The following UGP2 variants were observed in gnomAD, a reference collection of about 807,000 sequenced individuals.
UGP2 encodes the protein UDP-glucose pyrophosphorylase 2, also known as UTP--glucose-1-phosphate uridylyltransferase.
In UGP2, 40 loss-of-function variants were observed where a neutral mutation model predicts 49.0. The observed-to-expected ratio is 0.82, with a 90% CI of 0.63 to 1.06. The LOEUF is 1.06. Ranked by LOEUF, UGP2 falls within the 50% of genes least tolerant of loss-of-function variation. UGP2 has a pLI of 0.00. For missense variants in UGP2, 460 were observed against 603.5 expected, an observed-to-expected ratio of 0.76 and a Z score of 2.49; for synonymous variants, 225 against 213.0, an observed-to-expected ratio of 1.06 and a Z score of -0.49.
intron 3 of UGP2, among the ~76,000 whole-genome samples, chr2:63,866,310 G>C (rs1670183002): frequency 6.6e-6 from 1 of 152,192 alleles, no homozygotes; most frequent in Non-Finnish European, 1.5e-5. Context: ...AGACTTATTT[G>C]TAAAAAGTTA....
At chr2:63,870,988 A>G (rs958401588) in intron 3 of UGP2, among the ~76,000 whole-genome samples, 1 of 152,260 alleles carries the variant, frequency 6.6e-6, no homozygotes, top group African/African-American at 2.4e-5. Flanking sequence ...GATGGGGCAT[A>G]CATGTGTGAC....
intron 3 of UGP2, among the ~76,000 whole-genome samples, chr2:63,877,680 T>C (rs1292460280): frequency 6.6e-6 from 1 of 152,178 alleles, no homozygotes; most frequent in African/African-American, 2.4e-5. Flanking sequence ...GTGGAAGATC[T>C]TCACAGCTTG....
chr2:63,876,767 G>A (rs957320258), intron 3 of UGP2, among the ~76,000 whole-genome samples: 2 of 152,198 alleles, frequency 1.3e-5, no homozygotes, highest in Non-Finnish European at 2.9e-5. Context: ...TGTATTGTGA[G>A]TTGCCAGGGC....
chr2:63,861,699 A>AC (rs1164984493), intron 3 of UGP2, among the ~76,000 whole-genome samples: 9 of 151,662 alleles, frequency 5.9e-5, no homozygotes, highest in African/African-American at 1.5e-4. Flanking sequence ...AAAAAAAAAA[A>AC]AAAACAAAAA....
chr2:63,879,841 C>T (rs573250965), intron 3 of UGP2, among the ~76,000 whole-genome samples: 451 of 152,214 alleles, frequency 3.0e-3, no homozygotes, highest in Non-Finnish European at 4.9e-3. Context: ...GCTGTGTACT[C>T]TTTTTTTAAA....
At chr2:63,885,943 G>A in intron 6 of UGP2, 57 bp downstream of exon 6, 2 of 1,484,402 alleles carry the variant, frequency 1.3e-6, no homozygotes. Flanking sequence ...CGTAAGTTAT[G>A]AAGTTAAAGA....
At chr2:63,876,700 A>T (rs1196833938) in intron 3 of UGP2, among the ~76,000 whole-genome samples, 3 of 152,240 alleles carry the variant, frequency 2.0e-5, no homozygotes, top group Non-Finnish European at 4.4e-5. Flanking sequence ...ATGCAAGGTT[A>T]TAAATACAAC....
chr2:63,860,762 ATTTTTT>A lies in UGP2; in HGVS notation c.255+2843_255+2848del, dbSNP rs556819048. ...GGCATTGTGCCACCAGGCCCAGCTAATTTTTTTTTTTTTTTTTTTTTTGTAGAGACA... is the reference window on the plus strand; with the variant it reads ...GGCATTGTGCCACCAGGCCCAGCTAATTTTTTTTTTTTTTTTGTAGAGACA... On this transcript the variant is annotated intron_variant, in intron 3 of 9. Transcript: ENST00000337130. Among the ~76,000 whole-genome samples, 12 of 123,688 alleles carry A rather than the reference ATTTTTT, an allele frequency of 9.7e-5. No homozygotes were observed. In the East Asian group the frequency reaches 2.3e-3, roughly 24 times the overall value. 81.1% of individuals were successfully genotyped at this position (123,688 alleles called of 152,430 possible).
Position 63,856,357 on chromosome 2 carries a change from T to C in UGP2, c.71T>C (p.Ile24Thr). Residue 24 changes from isoleucine (I) to threonine (T), a missense_variant, in exon 2 of 10, where the codon ATT (isoleucine) becomes ACT (threonine). By Grantham distance (89) the Ile-to-Thr change is moderately conservative. Around this residue, in one of 2 missense-constraint regions of UGP2, gnomAD observed 143 missense variants for 130.4 expected, o/e 1.10. Coordinates refer to ENST00000337130, the MANE Select transcript of UGP2 (RefSeq NM_006759.4). ...GGTGCTTCTCAGTTCCAAGAAGTCA[T>C]TCGGCAAGAGCTAGAATTATCTGTG... ...QDGASQFQEV[I>T]RQELELSVKK... The C allele has an allele frequency of 6.2e-7, 1 of 1,614,032 alleles. No individual in the cohort carries two copies.
chr2:63,859,784 G>C (rs980140803), intron 3 of UGP2, among the ~76,000 whole-genome samples: 8 of 152,166 alleles, frequency 5.3e-5, no homozygotes. Flanking sequence ...TGAAGCATAA[G>C]TTTTAAGCTT....
intron 7 of UGP2, 60 bp downstream of exon 7, chr2:63,886,598 A>G (rs1671689163): frequency 6.3e-7 from 1 of 1,580,314 alleles, no homozygotes; most frequent in Non-Finnish European, 8.6e-7. Flanking sequence ...TAGGCTACAC[A>G]CAGACCCCAT....
Position 63,863,585 on chromosome 2 carries a change from A to G in UGP2, c.255+5649A>G, listed in dbSNP as rs76041090. Among the ~76,000 whole-genome samples, 267 of 152,350 alleles carry G rather than the reference A, an allele frequency of 1.8e-3. 8 individuals are homozygous for G. The East Asian group carries it at 0.049, about 28-fold the overall frequency. On this transcript the variant is annotated intron_variant, in intron 3 of 9. Coordinates refer to ENST00000337130, the MANE Select transcript of UGP2 (RefSeq NM_006759.4). ...CATGAGCATTGAATAAGTGAGAAGC[A>G]ACTTACAATATGTGTTTTAAAATCA... is the stretch of plus-strand genomic sequence containing the variant.
chr2:63,848,350 A>G (rs1668810438), intron 1 of UGP2, among the ~76,000 whole-genome samples: 1 of 152,164 alleles, frequency 6.6e-6, no homozygotes, highest in Non-Finnish European at 1.5e-5. Flanking sequence ...AACTGAAACC[A>G]TACTTCTTAG....
chr2:63,849,299 C>A, intron 1 of UGP2, among the ~76,000 whole-genome samples: 1 of 152,274 alleles, frequency 6.6e-6, no homozygotes, highest in East Asian at 1.9e-4. Flanking sequence ...TCCTTGGCCA[C>A]AATGAAAATG....
intron 1 of UGP2, chr2:63,842,560 C>T (rs1454078518): frequency 1.3e-6 from 2 of 1,508,030 alleles, no homozygotes; most frequent in Non-Finnish European, 1.8e-6. Context: ...TGCACGCAGA[C>T]GGGAAGGGCT....
chr2:63,882,250 T>C (rs552563862), intron 3 of UGP2, among the ~76,000 whole-genome samples: 1 of 152,314 alleles, frequency 6.6e-6, no homozygotes, highest in African/African-American at 2.4e-5. Context: ...CATTGTAAAG[T>C]AAATGAGCCA....
chr2:63,848,292 A>G (rs1027186786), intron 1 of UGP2, among the ~76,000 whole-genome samples: 2 of 152,230 alleles, frequency 1.3e-5, no homozygotes, highest in Non-Finnish European at 2.9e-5. Context: ...AATTGTGGCC[A>G]TCTTGGTCTT....
At chr2:63,852,373 T>C (rs1189975262) in intron 1 of UGP2, among the ~76,000 whole-genome samples, 1 of 152,214 alleles carries the variant, frequency 6.6e-6, no homozygotes, top group African/African-American at 2.4e-5. Flanking sequence ...CTCCAAGTGA[T>C]TTGTATGTAC....
At chr2:63,864,816 A>G (rs1375829879) in intron 3 of UGP2, among the ~76,000 whole-genome samples, 1 of 152,200 alleles carries the variant, frequency 6.6e-6, no homozygotes, top group Non-Finnish European at 1.5e-5. Flanking sequence ...TTCTCTTTGA[A>G]GTTCTTCCCA....
Sources: allele counts gnomAD v4.1 joint callset (sites outside exome capture counted in the v4.1 genomes callset), GRCh38; gene constraint gnomAD v4.1.1; regional missense constraint gnomAD v4.1.1; transcripts MANE v1.5; gene names NCBI Gene and HGNC (gene_info 2026-07-23, HGNC 2026-07-21).